The following NCAM2 variants were observed in gnomAD, a reference collection of about 807,000 sequenced individuals.
NCAM2 encodes the protein neural cell adhesion molecule 2.
Under a neutral mutation model 98.1 loss-of-function variants are expected in NCAM2, and 30 were observed. The observed-to-expected ratio is 0.31, with a 90% confidence interval of 0.23 to 0.41. The LOEUF is 0.41. Among genes scored for constraint, NCAM2 ranks in the 10% least tolerant of loss-of-function variants. NCAM2 has a pLI of 1.00. For synonymous variants in NCAM2, 368 were observed against 342.4 expected, an observed-to-expected ratio of 1.07 and a Z score of -0.83; for missense variants, 867 against 1,005.8, an observed-to-expected ratio of 0.86 and a Z score of 1.87.
At chr21:21,004,618 A>G (rs1226687393) in intron 1 of NCAM2, among the ~76,000 whole-genome samples, 2 of 152,246 alleles carry the variant, frequency 1.3e-5, no homozygotes, top group African/African-American at 4.8e-5. Context: ...GTTCAACAAA[A>G]TATTATAAAA....
chr21:21,396,706 G>A (rs2076516324), intron 9 of NCAM2, among the ~76,000 whole-genome samples: 1 of 152,180 alleles, frequency 6.6e-6, no homozygotes, highest in Non-Finnish European at 1.5e-5. Context: ...GCTGAACCAG[G>A]TGTATCTCAA....
At chr21:21,130,456 A>C (rs569032885) in intron 1 of NCAM2, among the ~76,000 whole-genome samples, 1 of 152,128 alleles carries the variant, frequency 6.6e-6, no homozygotes, top group Non-Finnish European at 1.5e-5. Context: ...CAATCTCCCA[A>C]ACTTTTATTT....
At chr21:21,383,327 T>A (rs2076199491) in intron 9 of NCAM2, among the ~76,000 whole-genome samples, 1 of 152,064 alleles carries the variant, frequency 6.6e-6, no homozygotes, top group African/African-American at 2.4e-5. Flanking sequence ...TTTCTGTGGG[T>A]TTTTACACAG....
At chr21:21,447,082 CT>C in intron 12 of NCAM2, among the ~76,000 whole-genome samples, 1 of 152,214 alleles carries the variant, frequency 6.6e-6, no homozygotes, top group Admixed American at 6.6e-5. Context: ...AAAGAAGACC[CT>C]GTATAACCAA....
At chr21:21,084,798 A>G (rs1431807921) in intron 1 of NCAM2, among the ~76,000 whole-genome samples, 1 of 152,212 alleles carries the variant, frequency 6.6e-6, no homozygotes, top group Non-Finnish European at 1.5e-5. Flanking sequence ...AGCATTCAAT[A>G]AATATTTGTT....
chr21:21,311,071 A>G (rs2074035199), intron 5 of NCAM2, among the ~76,000 whole-genome samples: 2 of 152,194 alleles, frequency 1.3e-5, no homozygotes, highest in African/African-American at 4.8e-5. Context: ...ATTATAATTT[A>G]TTTGCCTTCC....
intron 9 of NCAM2, among the ~76,000 whole-genome samples, chr21:21,403,832 C>T (rs983307245): frequency 2.0e-5 from 3 of 151,926 alleles, no homozygotes; most frequent in Non-Finnish European, 4.4e-5. Context: ...ATTCACCATA[C>T]GTTATGGAGT....
chr21:21,456,068 A>C (rs1427513175), intron 12 of NCAM2, among the ~76,000 whole-genome samples: 2 of 152,178 alleles, frequency 1.3e-5, no homozygotes, highest in African/African-American at 4.8e-5. Flanking sequence ...TCTTGTTCAC[A>C]TTCTAACAAG....
At chr21:21,378,955 T>C (rs1206135087) in intron 9 of NCAM2, among the ~76,000 whole-genome samples, 2 of 152,140 alleles carry the variant, frequency 1.3e-5, no homozygotes, top group East Asian at 1.9e-4. Flanking sequence ...TTACATGTTA[T>C]ACGGTTCGTG....
intron 8 of NCAM2, among the ~76,000 whole-genome samples, 153 bp from the exon 9 acceptor site, chr21:21,373,710 C>A (rs925381035): frequency 9.9e-5 from 15 of 151,648 alleles, no homozygotes; most frequent in African/African-American, 3.6e-4. Flanking sequence ...AAAACTTATT[C>A]TTAGCTATAC....
chr21:21,435,622 T>C (rs1978303782), intron 12 of NCAM2, among the ~76,000 whole-genome samples: 1 of 152,178 alleles, frequency 6.6e-6, no homozygotes, highest in African/African-American at 2.4e-5. Context: ...TTCTCAAATC[T>C]TAGGTATTTA....
chr21:21,298,984 T>C (rs2147627341), intron 5 of NCAM2, among the ~76,000 whole-genome samples: 1 of 151,480 alleles, frequency 6.6e-6, no homozygotes, highest in Non-Finnish European at 1.5e-5. Flanking sequence ...ATTTATTTGA[T>C]GAGTACAGAA....
chr21:21,507,234 A>C (rs1988038138), intron 15 of NCAM2, among the ~76,000 whole-genome samples: 1 of 152,166 alleles, frequency 6.6e-6, no homozygotes, highest in African/African-American at 2.4e-5. Flanking sequence ...AGTTGTTCTG[A>C]TTCCTTTGGA....
chr21:21,236,287 A>C (rs2070819609), intron 1 of NCAM2, among the ~76,000 whole-genome samples: 1 of 136,260 alleles, frequency 7.3e-6, no homozygotes, highest in African/African-American at 2.5e-5. Flanking sequence ...TTTGAAGAAC[A>C]AAAATTGTGT....
chr21:21,132,220 G>T (rs1437051689), intron 1 of NCAM2, among the ~76,000 whole-genome samples: 1 of 151,708 alleles, frequency 6.6e-6, no homozygotes, highest in Admixed American at 6.6e-5. Flanking sequence ...TCTCACTCTT[G>T]CTTTTGCTTT....
In NCAM2 at chr21:21,284,349, A is replaced by G. The variant is rs1266843304; in HGVS notation, c.286A>G (p.Thr96Ala). 2 of 1,612,886 alleles carry G rather than the reference A, an allele frequency of 1.2e-6. No homozygotes were observed. The highest frequency in any genetic ancestry group is 2.2e-5 in the South Asian group (2 of 91,048). ...EDAGIYRCQA[T>A]DAKGQTQEAT... ...TGCAGGGATATATCGTTGTCAAGCA[A>G]CAGATGCCAAAGGACAAACACAAGA... Residue 96 changes from threonine to alanine, a missense_variant, in exon 3 of 18, where the codon ACA becomes GCA. This residue lies in a region of NCAM2 where 447 missense variants were observed against 495.7 expected (regional missense o/e 0.90). Transcript: ENST00000400546.
chr21:21,542,405 T>C lies in NCAM2; in HGVS notation c.*4448T>C, dbSNP rs1990268278. On this transcript the variant is annotated 3_prime_UTR_variant, in exon 18 of 18. Coordinates refer to ENST00000400546, the MANE Select transcript of NCAM2 (RefSeq NM_004540.5). The stretch of plus-strand genomic sequence containing the variant: ...GTTTATTACTTTAGGATTTTATCTA[T>C]AACATAAATATATTATTTGTTATTA... 6.6e-6 allele frequency: 1 copy of C among 151,912 alleles called. No homozygotes were observed. The allele number at this position is 151,912 out of a possible 1,614,324, so 9.4% of individuals were successfully genotyped here. A position where few individuals can be genotyped will look rare whatever the true frequency, so the allele number is the denominator to read the frequency against.
At chr21:21,319,381 G>A (rs371890497) in intron 5 of NCAM2, among the ~76,000 whole-genome samples, 88 of 152,256 alleles carry the variant, frequency 5.8e-4, no homozygotes, top group African/African-American at 1.9e-3. Context: ...AGTGGCTCAC[G>A]CCTGTAATCC....
chr21:21,294,358 G>T (rs944937192), intron 5 of NCAM2, among the ~76,000 whole-genome samples: 1 of 151,812 alleles, frequency 6.6e-6, no homozygotes, highest in Non-Finnish European at 1.5e-5. Context: ...ATTTCAGGAT[G>T]TATAAGGAGA....
Sources: gnomAD v4.1 joint callset for allele counts (sites outside exome capture counted in the v4.1 genomes callset) on GRCh38, gnomAD v4.1.1 for gene constraint, gnomAD v4.1.1 regional missense constraint, MANE v1.5 for transcripts, NCBI Gene and HGNC (gene_info 2026-07-23, HGNC 2026-07-21) for gene names.